VSTM2A: variants seen among roughly 807,000 people sequenced by gnomAD.
VSTM2A encodes V-set and transmembrane domain containing 2A.
In VSTM2A, 13 loss-of-function variants were observed where a neutral mutation model predicts 27.3. That is an observed-to-expected ratio of 0.48 (90% CI 0.31 to 0.76). The LOEUF (loss-of-function observed/expected upper bound fraction) is 0.76. VSTM2A is among the 30% of genes least tolerant of loss of function. The pLI is 0.05. For missense variants in VSTM2A, 280 were observed against 310.0 expected (o/e 0.90, Z 0.73); for synonymous variants, 142 against 125.7 (o/e 1.13, Z -0.87).
At chr7:54,561,730 G>A (rs1048774763) in intron 4 of VSTM2A, among the ~76,000 whole-genome samples, 1 of 152,102 alleles carries the variant, frequency 6.6e-6, no homozygotes, top group Admixed American at 6.5e-5. Context: ...AAGGAAAAGG[G>A]TAAGGCCACT....
Position 54,550,048 on chromosome 7 carries a change from A to C in VSTM2A, c.512A>C (p.Lys171Thr), listed in dbSNP as rs1460461018. The change falls in exon 4 of 5, where the codon AAG becomes ACG. Residue 171 changes from lysine (K) to threonine (T), a missense_variant. Transcript: ENST00000402613. ...EASPMWLQDM[K>T]PRKNVSAAIP... ...TCGCCCATGTGGCTGCAGGATATGA[A>C]GCCCCGCAAGAACGTCTCCGCAGCC... 2.5e-6 allele frequency: 4 copies of C among 1,609,910 alleles called. No individual in the cohort carries two copies. The highest frequency in any genetic ancestry group is 3.4e-6 in the Non-Finnish European group (4 of 1,178,108).
intron 4 of VSTM2A, among the ~76,000 whole-genome samples, chr7:54,563,921 C>T (rs926903927): frequency 6.6e-6 from 1 of 152,162 alleles, no homozygotes; most frequent in African/African-American, 2.4e-5. Flanking sequence ...ATATTCTTCT[C>T]AAAAAATTAT....
chr7:54,554,982 A>G (rs1236761998), intron 4 of VSTM2A, among the ~76,000 whole-genome samples: 1 of 152,210 alleles, frequency 6.6e-6, no homozygotes, highest in Non-Finnish European at 1.5e-5. Flanking sequence ...TCAAGACTGA[A>G]TTTATCTTAG....
chr7:54,552,770 A>G, intron 4 of VSTM2A, among the ~76,000 whole-genome samples: 1 of 152,250 alleles, frequency 6.6e-6, no homozygotes, highest in Non-Finnish European at 1.5e-5. Context: ...TTGGAAGCCA[A>G]TAGCTATATT....
At chr7:54,544,919 C>T in intron 2 of VSTM2A, 131 bp downstream of exon 2, 2 of 1,130,034 alleles carry the variant, frequency 1.8e-6, no homozygotes, top group Non-Finnish European at 2.4e-6. Flanking sequence ...AAGCGAGTGA[C>T]CCCCAGGGCT....
intron 4 of VSTM2A, chr7:54,553,850 C>A: frequency 6.4e-7 from 1 of 1,551,164 alleles, no homozygotes; most frequent in South Asian, 1.2e-5. Flanking sequence ...CTACTTGTTT[C>A]TTCCTGTCTC....
intron 4 of VSTM2A, chr7:54,558,606 A>C (rs1419202894): frequency 6.6e-6 from 1 of 152,156 alleles, no homozygotes; most frequent in African/African-American, 2.4e-5. Context: ...AATAACTATT[A>C]TTTAAGAGGA....
intron 4 of VSTM2A, chr7:54,553,924 C>T (rs757560626): frequency 1.4e-5 from 22 of 1,551,316 alleles, no homozygotes; most frequent in South Asian, 4.8e-5. Flanking sequence ...CTAGTCCTTC[C>T]TTTCTTCTCT....
At chr7:54,560,025 AATG>A (rs1378386142) in intron 4 of VSTM2A, 1 of 152,206 alleles carries the variant, frequency 6.6e-6, no homozygotes, top group Non-Finnish European at 1.5e-5. Context: ...ACTTTTGTAC[AATG>A]ATAATGTATT....
intron 4 of VSTM2A, among the ~76,000 whole-genome samples, chr7:54,563,325 T>G (rs1788619972): frequency 6.6e-6 from 1 of 152,160 alleles, no homozygotes; most frequent in South Asian, 2.1e-4. Flanking sequence ...ATAATCCCCT[T>G]CAGCTTCAGT....
chr7:54,554,185 C>T, intron 4 of VSTM2A: 1 of 1,474,756 alleles, frequency 6.8e-7, no homozygotes, highest in South Asian at 1.4e-5. Flanking sequence ...TCTAGGCAGC[C>T]TTTCTCCCTC....
intron 4 of VSTM2A, chr7:54,557,242 C>T (rs762005013): frequency 1.2e-4 from 18 of 152,190 alleles, no homozygotes; most frequent in African/African-American, 4.3e-4. Context: ...CACTAGTGCA[C>T]AGCGGTTAAA....
intron 4 of VSTM2A, chr7:54,556,863 CA>C (rs1332705167): frequency 2.0e-5 from 3 of 152,188 alleles, no homozygotes; most frequent in Non-Finnish European, 4.4e-5. Flanking sequence ...TAACTGGCCA[CA>C]TGAAGGCTTG....
chr7:54,566,461 G>A (rs1453016825), intron 4 of VSTM2A, among the ~76,000 whole-genome samples: 2 of 152,134 alleles, frequency 1.3e-5, no homozygotes, highest in Non-Finnish European at 2.9e-5. Flanking sequence ...AAAGAACCTA[G>A]CAAAAGAAAA....
At chr7:54,547,769 T>G (rs140398007) in intron 3 of VSTM2A, among the ~76,000 whole-genome samples, 114 of 152,314 alleles carry the variant, frequency 7.5e-4, no homozygotes, top group African/African-American at 2.7e-3. Flanking sequence ...TATTATTTGT[T>G]TTTAGAAATC....
chr7:54,548,544 C>T (rs938092417), intron 3 of VSTM2A, among the ~76,000 whole-genome samples: 1 of 152,156 alleles, frequency 6.6e-6, no homozygotes, highest in African/African-American at 2.4e-5. Flanking sequence ...CTAATGTACA[C>T]TCAGTGTTGA....
chr7:54,569,361 C>T lies in VSTM2A; in HGVS notation c.*142C>T. The T allele has an allele frequency of 7.2e-7, 1 of 1,392,484 alleles. No homozygotes were observed. Among genetic ancestry groups the T allele is most frequent in the Non-Finnish European group, 9.6e-7 (1 of 1,046,242 alleles). The allele number at this position is 1,392,484 out of a possible 1,614,324, so 86.3% of individuals were successfully genotyped here. A position where few individuals can be genotyped will look rare whatever the true frequency, so the allele number is the denominator to read the frequency against. ...GAAGTGATAGAACGTTTTCTAATAG[C>T]AAGATCTATTTTTTCCCTTTTCTTT... On this transcript the variant is annotated 3_prime_UTR_variant, in exon 5 of 5. Transcript: ENST00000402613.
At chr7:54,567,709 G>GTGA (rs1483777763) in intron 4 of VSTM2A, among the ~76,000 whole-genome samples, 1 of 151,924 alleles carries the variant, frequency 6.6e-6, no homozygotes, top group Non-Finnish European at 1.5e-5. Context: ...CATACTTTGT[G>GTGA]TGAAATCAAG....
chr7:54,550,359 C>T, intron 4 of VSTM2A, 189 bp downstream of exon 4: 1 of 1,436,242 alleles, frequency 7.0e-7, no homozygotes. Context: ...CATGTGGGTG[C>T]ACCCCGTCAG....
Sources: gnomAD v4.1 joint callset for allele counts (sites outside exome capture counted in the v4.1 genomes callset) on GRCh38, gnomAD v4.1.1 for gene constraint, MANE v1.5 for transcripts, NCBI Gene and HGNC (gene_info 2026-07-23, HGNC 2026-07-21) for gene names.